GALNT2: variants seen among roughly 807,000 people sequenced by gnomAD.
GALNT2 encodes polypeptide N-acetylgalactosaminyltransferase 2.
A neutral mutation model predicts 81.4 loss-of-function variants in GALNT2; 31 were observed. The observed-to-expected ratio is 0.38, with a 90% CI of 0.29 to 0.51. The LOEUF (loss-of-function observed/expected upper bound fraction) is 0.51, where lower values mean the gene tolerates loss of function less well. GALNT2 is among the 20% of genes least tolerant of loss of function. GALNT2 has a pLI of 0.87. For missense variants in GALNT2, 629 were observed against 765.7 expected (o/e 0.82, Z 2.11); for synonymous variants, 303 against 287.4 (o/e 1.05, Z -0.55).
At chr1:230,187,015 C>T (rs529704900) in intron 2 of GALNT2, among the ~76,000 whole-genome samples, 94 of 152,340 alleles carry the variant, frequency 6.2e-4, no homozygotes, top group African/African-American at 2.2e-3. Context: ...GGCCATGGCA[C>T]TTCCCAGTGT....
At chr1:230,267,776 C>T (rs1666073919) in intron 14 of GALNT2, among the ~76,000 whole-genome samples, 2 of 152,114 alleles carry the variant, frequency 1.3e-5, no homozygotes, top group Non-Finnish European at 2.9e-5. Flanking sequence ...TGGGCAGAGG[C>T]GGAGGGGAAG....
intron 2 of GALNT2, among the ~76,000 whole-genome samples, chr1:230,202,069 G>A (rs529027638): frequency 1.3e-5 from 2 of 152,180 alleles, no homozygotes; most frequent in Admixed American, 6.5e-5. Flanking sequence ...TTAAGTCCTC[G>A]TGAAGAACCT....
At chr1:230,078,713 G>A (rs768964456) in intron 1 of GALNT2, among the ~76,000 whole-genome samples, 21 of 152,332 alleles carry the variant, frequency 1.4e-4, no homozygotes, top group Non-Finnish European at 2.5e-4. Context: ...GAGCTCAGGC[G>A]GTCTGTGAGG....
chr1:230,148,529 C>T (rs760653310), intron 1 of GALNT2, among the ~76,000 whole-genome samples: 4 of 152,210 alleles, frequency 2.6e-5, no homozygotes, highest in Non-Finnish European at 4.4e-5. Flanking sequence ...ACTCGCCTTC[C>T]GGAGTTAACT....
rs375695232 is a variant in GALNT2 at position 230,275,124 on chromosome 1, A to G, written c.1560+560A>G. Among the ~76,000 whole-genome samples, 65 of 149,978 alleles carry G rather than the reference A, an allele frequency of 4.3e-4. 1 individual carries two copies. The South Asian group carries it at 0.013, about 30-fold the overall frequency. On this transcript the variant is annotated intron_variant, in intron 15 of 15. Transcript: ENST00000366672. The surrounding 1 kb of genome is among the most constrained non-coding windows in gnomAD (Gnocchi z 5.5). ...ATACACACCACATATATATACATAT[A>G]TATACACACCACATATACATATATA...
intron 1 of GALNT2, among the ~76,000 whole-genome samples, chr1:230,088,486 A>G (rs989532938): frequency 6.0e-5 from 9 of 150,468 alleles, no homozygotes; most frequent in African/African-American, 2.2e-4. Flanking sequence ...ATTGTAAAGT[A>G]TACAGTTCAG....
chr1:230,116,712 A>AT lies in GALNT2; in HGVS notation c.126+49314dup, dbSNP rs1466938531. Among the ~76,000 whole-genome samples, 37 of 152,026 alleles carry AT rather than the reference A, an allele frequency of 2.4e-4. No individual in the cohort carries two copies. The South Asian group carries it at 7.3e-3, about 30-fold the overall frequency. ...TAGTAGTCTTTTGACAGGAGTATAT[A>AT]TTTTTTTTCCGAGCAGTCTCAACAC... On this transcript the variant is annotated intron_variant, in intron 1 of 15. Transcript: ENST00000366672.
chr1:230,161,915 A>T (rs1305199996), intron 1 of GALNT2, among the ~76,000 whole-genome samples: 1 of 152,052 alleles, frequency 6.6e-6, no homozygotes, highest in African/African-American at 2.4e-5. Flanking sequence ...TTCTGCAACC[A>T]CCATGTTCCA....
intron 1 of GALNT2, among the ~76,000 whole-genome samples, chr1:230,157,952 G>A (rs1300444015): frequency 6.6e-6 from 1 of 152,144 alleles, no homozygotes; most frequent in Non-Finnish European, 1.5e-5. Flanking sequence ...ACTAAGAAGA[G>A]TGAATTTTAC....
At chr1:230,154,590 G>A (rs1046364953) in intron 1 of GALNT2, among the ~76,000 whole-genome samples, 5 of 152,144 alleles carry the variant, frequency 3.3e-5, no homozygotes, top group Non-Finnish European at 4.4e-5. Context: ...AAATGTGGTC[G>A]TCAGCATGGG....
chr1:230,130,239 C>T (rs1348469281), intron 1 of GALNT2, among the ~76,000 whole-genome samples: 4 of 152,338 alleles, frequency 2.6e-5, no homozygotes, highest in South Asian at 4.1e-4. Context: ...CTCTAATTGC[C>T]TCACATGATA....
intron 13 of GALNT2, 79 bp from the exon 14 acceptor site, chr1:230,265,162 G>A: frequency 1.3e-6 from 2 of 1,591,258 alleles, no homozygotes; most frequent in African/African-American, 1.3e-5. Context: ...CTGTCATGAG[G>A]CCACTGAGCA....
At chr1:230,064,279 T>C (rs1179687756), upstream of GALNT2, among the ~76,000 whole-genome samples, 1 of 152,178 alleles carries the variant, frequency 6.6e-6, no homozygotes, top group Non-Finnish European at 1.5e-5. Flanking sequence ...TTGCACCTGT[T>C]CTAAGTTTAT....
chr1:230,092,176 G>GTTTTTTTTTGTTTTTTTTTTTTT (rs762299242), intron 1 of GALNT2: 10 of 42,258 alleles, frequency 2.4e-4, no homozygotes, highest in African/African-American at 7.4e-4. Context: ...TATTCCTTTA[G>GTTTTTTTTTGTTTTTTTTTTTTT]TTTTTTTTTT....
At chr1:230,200,220 G>A (rs564397374) in intron 2 of GALNT2, among the ~76,000 whole-genome samples, 57 of 152,024 alleles carry the variant, frequency 3.7e-4, no homozygotes, top group Admixed American at 1.8e-3. Flanking sequence ...CTGCCACCAC[G>A]TCTGGCTAAT....
intron 6 of GALNT2, among the ~76,000 whole-genome samples, chr1:230,239,349 T>C (rs1345506308): frequency 1.3e-5 from 2 of 152,276 alleles, no homozygotes; most frequent in Non-Finnish European, 2.9e-5. Context: ...AATCACAAGG[T>C]GAAGCCCCAC....
intron 1 of GALNT2, among the ~76,000 whole-genome samples, chr1:230,075,997 G>A (rs571781230): frequency 9.2e-5 from 14 of 152,108 alleles, no homozygotes; most frequent in Admixed American, 1.3e-4. Flanking sequence ...TTTCTTTCCC[G>A]AAGGATGTTG....
chr1:230,176,388 C>T (rs978020238), intron 1 of GALNT2, among the ~76,000 whole-genome samples: 2 of 152,156 alleles, frequency 1.3e-5, no homozygotes, highest in Non-Finnish European at 1.5e-5. Flanking sequence ...GAGTCACCAG[C>T]CCCACTGGCA....
At chr1:230,059,623 T>C (rs747137105) in intron 1 of GALNT2, among the ~76,000 whole-genome samples, 4 of 152,226 alleles carry the variant, frequency 2.6e-5, no homozygotes, top group Non-Finnish European at 5.9e-5. Context: ...TTCTGCCTTT[T>C]ATCTAATCAG....
Sources: allele counts gnomAD v4.1 joint callset (sites outside exome capture counted in the v4.1 genomes callset), GRCh38; gene constraint gnomAD v4.1.1; non-coding constraint Gnocchi (gnomAD v3.1); transcripts MANE v1.5; gene names NCBI Gene and HGNC (gene_info 2026-07-23, HGNC 2026-07-21).